Variants in RABGAP1L observed in about 807,000 individuals in gnomAD.
RABGAP1L encodes the protein rab GTPase-activating protein 1-like.
In RABGAP1L, 63 loss-of-function variants were observed where a neutral mutation model predicts 137.7. The observed-to-expected ratio is 0.46, with a 90% CI of 0.37 to 0.56. The LOEUF is 0.56. Ranked by LOEUF, RABGAP1L falls within the 20% of genes least tolerant of loss-of-function variation. The pLI, the probability that RABGAP1L is intolerant of heterozygous loss-of-function variation, is 0.00. For synonymous variants in RABGAP1L, 431 were observed against 433.7 expected, an observed-to-expected ratio of 0.99 and a Z score of 0.08; for missense variants, 1,095 against 1,244.0, an observed-to-expected ratio of 0.88 and a Z score of 1.80.
chr1:174,655,704 G>A (rs1386209502), intron 14 of RABGAP1L, among the ~76,000 whole-genome samples: 1 of 152,096 alleles, frequency 6.6e-6, no homozygotes, highest in Non-Finnish European at 1.5e-5. Flanking sequence ...TTATTTATAT[G>A]TTATATCAAT....
intron 13 of RABGAP1L, among the ~76,000 whole-genome samples, chr1:174,517,323 A>G (rs1480061088): frequency 2.6e-5 from 4 of 152,218 alleles, no homozygotes; most frequent in Non-Finnish European, 5.9e-5. Context: ...TTTTGAGGAC[A>G]TAATTTGAGA....
At chr1:174,706,652 G>C (rs80262947) in intron 17 of RABGAP1L, among the ~76,000 whole-genome samples, 2,712 of 152,100 alleles carry the variant, frequency 0.018, 42 homozygotes, top group Middle Eastern at 0.052. Context: ...TGGACATAAC[G>C]AAGTAACCAG....
intron 19 of RABGAP1L, among the ~76,000 whole-genome samples, chr1:174,919,019 C>CTTTTTTTT (rs778211199): frequency 7.4e-6 from 1 of 134,742 alleles, no homozygotes. Context: ...TGTCTTTTTT[C>CTTTTTTTT]TTTTTTTTTT....
chr1:174,729,786 A>G (rs929246813), intron 17 of RABGAP1L, among the ~76,000 whole-genome samples: 2 of 152,202 alleles, frequency 1.3e-5, no homozygotes, highest in Non-Finnish European at 2.9e-5. Context: ...CACACCCATC[A>G]ACATGGCTAT....
At chr1:174,440,395 A>G (rs919126458) in intron 13 of RABGAP1L, among the ~76,000 whole-genome samples, 2 of 152,208 alleles carry the variant, frequency 1.3e-5, no homozygotes, top group African/African-American at 4.8e-5. Flanking sequence ...GGAAGCCACT[A>G]CAGGTGTCTA....
chr1:174,472,597 A>G (rs556688891), intron 13 of RABGAP1L, among the ~76,000 whole-genome samples: 84 of 152,354 alleles, frequency 5.5e-4, no homozygotes, highest in African/African-American at 1.9e-3. Context: ...ATCTTCTCCC[A>G]GTTAAGTTGC....
chr1:174,736,665 C>A (rs1344116395), intron 17 of RABGAP1L, among the ~76,000 whole-genome samples: 2 of 152,264 alleles, frequency 1.3e-5, no homozygotes, highest in African/African-American at 2.4e-5. Context: ...GCCCCTGTGG[C>A]AGTCTTCTGC....
chr1:174,779,933 G>C (rs974844263), intron 18 of RABGAP1L, among the ~76,000 whole-genome samples: 3 of 151,892 alleles, frequency 2.0e-5, no homozygotes, highest in Admixed American at 6.6e-5. Flanking sequence ...TGGTGTGGTG[G>C]GAGGCACCTG....
At chr1:174,908,537 CTTTTTT>C (rs774387616) in intron 19 of RABGAP1L, among the ~76,000 whole-genome samples, 2 of 94,384 alleles carry the variant, frequency 2.1e-5, no homozygotes, top group African/African-American at 1.0e-4. Flanking sequence ...ACAACATATT[CTTTTTT>C]TTTTTTTTTT....
At chr1:174,909,226 T>C (rs1309554352) in intron 19 of RABGAP1L, among the ~76,000 whole-genome samples, 1 of 151,932 alleles carries the variant, frequency 6.6e-6, no homozygotes, top group Non-Finnish European at 1.5e-5. Flanking sequence ...TAAAAGGTTT[T>C]TTTTTGTTTG....
chr1:174,643,916 G>GGT (rs553946714), intron 14 of RABGAP1L, among the ~76,000 whole-genome samples: 3,952 of 145,660 alleles, frequency 0.027, 69 homozygotes, highest in Middle Eastern at 0.091. Context: ...CTTATATAGG[G>GGT]GTGTGTGTGT....
chr1:174,903,352 C>G (rs945768235), intron 19 of RABGAP1L, among the ~76,000 whole-genome samples: 1 of 152,134 alleles, frequency 6.6e-6, no homozygotes, highest in South Asian at 2.1e-4. Flanking sequence ...AATACATGAG[C>G]CTTTGTCTTC....
At chr1:174,984,020 A>C (rs2149390808) in intron 24 of RABGAP1L, among the ~76,000 whole-genome samples, 1 of 148,276 alleles carries the variant, frequency 6.7e-6, no homozygotes, top group South Asian at 2.1e-4. Flanking sequence ...AAAGGGGTTA[A>C]CTCTCCTGAA....
intron 13 of RABGAP1L, among the ~76,000 whole-genome samples, chr1:174,546,552 A>G (rs1666023904): frequency 6.6e-6 from 1 of 152,164 alleles, no homozygotes; most frequent in South Asian, 2.1e-4. Flanking sequence ...GTAATGTGCC[A>G]TTTGTGATAA....
chr1:174,799,825 C>A (rs1222307733), intron 18 of RABGAP1L: 13 of 992,508 alleles, frequency 1.3e-5, no homozygotes, highest in Admixed American at 6.1e-5. Flanking sequence ...TCGAGGATTG[C>A]AATGAGCTCA....
At chr1:174,457,883 A>G (rs1305569414) in intron 13 of RABGAP1L, among the ~76,000 whole-genome samples, 1 of 152,168 alleles carries the variant, frequency 6.6e-6, no homozygotes, top group Non-Finnish European at 1.5e-5. Flanking sequence ...CACTATATGC[A>G]GGTTATTATG....
At chr1:174,545,033 A>T (rs61045845) in intron 13 of RABGAP1L, 1 of 152,418 alleles carries the variant, frequency 6.6e-6, no homozygotes, top group African/African-American at 2.4e-5. Context: ...GTGTCTCCCA[A>T]TTAGACTACT....
At chr1:174,538,847 C>T (rs1410031395) in intron 13 of RABGAP1L, among the ~76,000 whole-genome samples, 3 of 152,112 alleles carry the variant, frequency 2.0e-5, no homozygotes, top group South Asian at 2.1e-4. Flanking sequence ...TATATGTAAT[C>T]GTTCATGTTT....
intron 19 of RABGAP1L, among the ~76,000 whole-genome samples, chr1:174,832,802 A>G (rs1274859853): frequency 6.6e-6 from 1 of 152,148 alleles, no homozygotes; most frequent in Non-Finnish European, 1.5e-5. Flanking sequence ...TTCCCTTATG[A>G]TTCTATGCTG....
Sources: allele counts gnomAD v4.1 joint callset (sites outside exome capture counted in the v4.1 genomes callset), GRCh38; gene constraint gnomAD v4.1.1; transcripts MANE v1.5; gene names NCBI Gene and HGNC (gene_info 2026-07-23, HGNC 2026-07-21).